GABRB1: variants seen among roughly 807,000 people sequenced by gnomAD.
The protein encoded by GABRB1 is gamma-aminobutyric acid type A receptor subunit beta1.
In GABRB1, 17 loss-of-function variants were observed where a neutral mutation model predicts 51.6. The observed-to-expected ratio is 0.33, with a 90% CI of 0.23 to 0.49. The LOEUF is 0.49. GABRB1 is among the 20% of genes least tolerant of loss of function. The pLI is 0.99. For synonymous variants in GABRB1, 247 were observed against 218.9 expected (o/e 1.13, Z -1.14); for missense variants, 410 against 600.6 (o/e 0.68, Z 3.32).
At chr4:47,303,792 T>C (rs1278355316) in intron 4 of GABRB1, among the ~76,000 whole-genome samples, 1 of 151,982 alleles carries the variant, frequency 6.6e-6, no homozygotes, top group Non-Finnish European at 1.5e-5. Context: ...TATTATTAAC[T>C]AGAGTGACTG....
intron 4 of GABRB1, among the ~76,000 whole-genome samples, chr4:47,244,234 A>G (rs1264310202): frequency 6.6e-6 from 1 of 152,154 alleles, no homozygotes. Context: ...GGATGAAGCC[A>G]ACTTGATCGT....
chr4:47,244,696 A>G (rs143654149), intron 4 of GABRB1, among the ~76,000 whole-genome samples: 1,594 of 152,294 alleles, frequency 0.01, 22 homozygotes, highest in Non-Finnish European at 0.012. Context: ...AAACTCACTC[A>G]AAACCACTCA....
intron 5 of GABRB1, among the ~76,000 whole-genome samples, chr4:47,321,367 TGAA>T (rs2109964177): frequency 6.6e-6 from 1 of 152,308 alleles, no homozygotes; most frequent in Non-Finnish European, 1.5e-5. Context: ...TGGAAATAGA[TGAA>T]GGTGTTAATG....
intron 4 of GABRB1, among the ~76,000 whole-genome samples, chr4:47,263,511 C>T (rs2109882569): frequency 6.6e-6 from 1 of 152,230 alleles, no homozygotes; most frequent in African/African-American, 2.4e-5. Context: ...AAATATCAAA[C>T]CACTAAATCA....
Position 47,161,440 on chromosome 4 carries a change from T to C in GABRB1, c.432T>C (p.His144=), listed in dbSNP as rs916071470. The change falls in exon 4 of 9, where the codon CAT becomes CAC. Residue 144 remains histidine (H), a synonymous_variant. Transcript: ENST00000295454. ...TGAAAAATCGAATGATTCGACTGCATCCTGATGGAACAGTTCTCTATGGAC... is the reference window on the plus strand; with the variant it reads ...TGAAAAATCGAATGATTCGACTGCACCCTGATGGAACAGTTCTCTATGGAC... ...VTVKNRMIRL[H]PDGTVLYGLR... is the part of the protein sequence containing the mutation. 8 of 1,612,234 alleles carry C rather than the reference T, an allele frequency of 5.0e-6. No homozygotes were observed. The highest frequency in any genetic ancestry group is 6.8e-6 in the Non-Finnish European group (8 of 1,178,890).
rs547781595 is a variant in GABRB1, at chr4:47,158,957, C to A, written c.241-2292C>A. 1.8e-4 allele frequency among the ~76,000 whole-genome samples: 28 copies of A among 151,884 alleles called. No individual in the cohort carries two copies. In the South Asian group the frequency reaches 5.2e-3, roughly 28 times the overall value. On this transcript the variant is annotated intron_variant, in intron 3 of 8. Coordinates refer to ENST00000295454, the MANE Select transcript of GABRB1 (RefSeq NM_000812.4). ...TTTCTCAATTGATGCTCACAAAAAA[C>A]CAGTAAAATGCTACTTTTTCATTTT...
chr4:47,004,660 T>C (rs1323674169), intron 1 of GABRB1, among the ~76,000 whole-genome samples: 1 of 152,194 alleles, frequency 6.6e-6, no homozygotes, highest in Non-Finnish European at 1.5e-5. Flanking sequence ...ATTCCAACTA[T>C]TGGTGCGGCC....
upstream of GABRB1, chr4:47,031,558 C>T: frequency 3.0e-6 from 3 of 1,016,190 alleles, no homozygotes; most frequent in Non-Finnish European, 4.7e-6. Flanking sequence ...TCTGCGCATG[C>T]GCAGGTCCAT....
intron 3 of GABRB1, among the ~76,000 whole-genome samples, chr4:47,157,964 T>G (rs1162666831): frequency 1.3e-5 from 2 of 152,070 alleles, no homozygotes; most frequent in Admixed American, 1.3e-4. Context: ...TATAGCAAAT[T>G]GGGTACATTA....
chr4:47,259,340 A>T (rs1722335023), intron 4 of GABRB1, among the ~76,000 whole-genome samples: 1 of 152,194 alleles, frequency 6.6e-6, no homozygotes, highest in Non-Finnish European at 1.5e-5. Context: ...AAAAGAAAAT[A>T]AAAAATAATA....
chr4:47,113,027 G>C (rs1053107704), intron 3 of GABRB1, among the ~76,000 whole-genome samples: 1 of 151,966 alleles, frequency 6.6e-6, no homozygotes, highest in African/African-American at 2.4e-5. Context: ...GAGTTAGAAG[G>C]TTGGATGGGA....
intron 5 of GABRB1, 58 bp from the exon 6 acceptor site, chr4:47,403,260 T>TA: frequency 1.9e-6 from 3 of 1,591,206 alleles, no homozygotes; most frequent in Non-Finnish European, 1.7e-6. Context: ...AGCTCCCAGA[T>TA]GGTATTCAAA....
chr4:47,228,605 GAT>G (rs1721035192), intron 4 of GABRB1, among the ~76,000 whole-genome samples: 1 of 151,990 alleles, frequency 6.6e-6, no homozygotes, highest in South Asian at 2.1e-4. Context: ...TCTTCTGGAG[GAT>G]ATGTGTCTTA....
At chr4:47,272,939 T>G (rs748697598) in intron 4 of GABRB1, among the ~76,000 whole-genome samples, 11 of 152,084 alleles carry the variant, frequency 7.2e-5, no homozygotes, top group Non-Finnish European at 1.6e-4. Context: ...AGTACCATAA[T>G]CAATTATTCA....
At chr4:47,391,986 A>G (rs1284342708) in intron 5 of GABRB1, among the ~76,000 whole-genome samples, 1 of 152,152 alleles carries the variant, frequency 6.6e-6, no homozygotes, top group Non-Finnish European at 1.5e-5. Context: ...GTTCAGTACT[A>G]CGTAACTGAC....
rs71195627 is a variant in GABRB1 at position 47,354,980 on chromosome 4, G to GTTT, written c.544+34794_544+34796dup. On this transcript the variant is annotated intron_variant, in intron 5 of 8. Transcript: ENST00000295454. Reference sequence around the variant, plus strand: ...CCTTCCTTTCTTTCTTTCTTCCTTTGTTTTTTTTTTTTTTTTTTTTTTTTT... The same window carrying GTTT: ...CCTTCCTTTCTTTCTTTCTTCCTTTGTTTTTTTTTTTTTTTTTTTTTTTTTTTT... Among the ~76,000 whole-genome samples, 9 of 44,248 alleles carry GTTT rather than the reference G, an allele frequency of 2.0e-4. 1 individual carries two copies. The highest frequency in any genetic ancestry group is 6.9e-4 in the African/African-American group (7 of 10,200). 29.0% of individuals were successfully genotyped at this position (44,248 alleles called of 152,430 possible).
intron 5 of GABRB1, among the ~76,000 whole-genome samples, chr4:47,380,778 G>A (rs561517174): frequency 8.6e-4 from 131 of 152,252 alleles, no homozygotes; most frequent in African/African-American, 3.0e-3. Context: ...TTGGGAATGA[G>A]GCACTGGACT....
At position 47,350,183 on chromosome 4, in the gene GABRB1, T is replaced by TTATA. The variant is rs367708916; in HGVS notation, c.544+30007_544+30010dup. Among the ~76,000 whole-genome samples, 227 of 87,684 alleles carry TTATA rather than the reference T, an allele frequency of 2.6e-3. 5 individuals are homozygous for TTATA. Among genetic ancestry groups the TTATA allele is most frequent in the South Asian group, 3.4e-3 (7 of 2,056 alleles). The allele number at this position is 87,684 out of a possible 152,430, so 57.5% of individuals were successfully genotyped here. On this transcript the variant is annotated intron_variant, in intron 5 of 8. Coordinates refer to ENST00000295454, the MANE Select transcript of GABRB1 (RefSeq NM_000812.4). ...TAAAATATTTCCTCTTGGGCTCAGA[T>TTATA]TATATATATATATATATATATATAT...
chr4:47,201,744 T>G (rs185549356), intron 4 of GABRB1, among the ~76,000 whole-genome samples: 3 of 152,166 alleles, frequency 2.0e-5, no homozygotes, highest in Non-Finnish European at 1.5e-5. Flanking sequence ...AAAGCGAAGA[T>G]AGTCTAGATA....
Sources: allele counts gnomAD v4.1 joint callset (sites outside exome capture counted in the v4.1 genomes callset), GRCh38; gene constraint gnomAD v4.1.1; transcripts MANE v1.5; gene names NCBI Gene and HGNC (gene_info 2026-07-23, HGNC 2026-07-21).